WDR64: variants seen among roughly 807,000 people sequenced by gnomAD.
WDR64 encodes WD repeat domain 64.
In WDR64, 112 loss-of-function variants were observed where a neutral mutation model predicts 139.3. That is an observed-to-expected ratio of 0.80 (90% CI 0.69 to 0.94). The LOEUF is 0.94. WDR64 is among the 40% of genes least tolerant of loss of function. WDR64 has a pLI of 0.00. For synonymous variants in WDR64, 444 were observed against 437.7 expected, an observed-to-expected ratio of 1.01 and a Z score of -0.18; for missense variants, 1,206 against 1,293.1, an observed-to-expected ratio of 0.93 and a Z score of 1.03.
chr1:241,791,181 G>A (rs1425562291), intron 25 of WDR64, among the ~76,000 whole-genome samples: 1 of 152,166 alleles, frequency 6.6e-6, no homozygotes, highest in Non-Finnish European at 1.5e-5. Context: ...AGCTACTCAG[G>A]AGGCTGAGGC....
intron 8 of WDR64, among the ~76,000 whole-genome samples, chr1:241,701,976 A>T (rs1667729389): frequency 6.6e-6 from 1 of 152,232 alleles, no homozygotes; most frequent in Admixed American, 6.5e-5. Flanking sequence ...AGACAGGAAA[A>T]AAATCCTCTC....
chr1:241,664,175 G>A lies in WDR64; in HGVS notation c.276+3515G>A, dbSNP rs77876033. 6.1e-3 allele frequency among the ~76,000 whole-genome samples: 932 copies of A among 152,164 alleles called. 8 individuals are homozygous for A. Among genetic ancestry groups the A allele is most frequent in the African/African-American group, 0.021 (888 of 41,486 alleles). On this transcript the variant is annotated intron_variant, in intron 2 of 27. Coordinates refer to ENST00000437684, the MANE Select transcript of WDR64 (RefSeq NM_001367482.1). ...CTCTATCACACTTTGTAAACCCTGC[G>A]GATATTCCCCCATAGATCGGTAACT...
Position 241,652,410 on chromosome 1 carries a change from C to A in WDR64, c.-75C>A. On this transcript the variant is annotated 5_prime_UTR_variant, in exon 1 of 28. Coordinates refer to ENST00000437684, the MANE Select transcript of WDR64 (RefSeq NM_001367482.1). Reference sequence around the variant, plus strand: ...CTGAGACAGCAGGGAGGCACTGTAACAACTGGAAAGTTTTCCAAATTGGTA... The same window carrying A: ...CTGAGACAGCAGGGAGGCACTGTAAAAACTGGAAAGTTTTCCAAATTGGTA... 1.4e-6 allele frequency: 2 copies of A among 1,468,246 alleles called. No individual in the cohort carries two copies. The highest frequency in any genetic ancestry group is 1.3e-5 in the South Asian group (1 of 74,614). 91.0% of individuals were successfully genotyped at this position (1,468,246 alleles called of 1,614,324 possible). A position where few individuals can be genotyped will look rare whatever the true frequency, so the allele number is the denominator to read the frequency against.
At chr1:241,747,265 GA>G (rs957120744) in intron 13 of WDR64, among the ~76,000 whole-genome samples, 1 of 152,136 alleles carries the variant, frequency 6.6e-6, no homozygotes, top group African/African-American at 2.4e-5. Flanking sequence ...AAATTGTGAA[GA>G]ACTAAACGCA....
intron 8 of WDR64, among the ~76,000 whole-genome samples, chr1:241,701,603 G>A (rs1426170331): frequency 2.0e-5 from 3 of 152,224 alleles, no homozygotes; most frequent in African/African-American, 7.2e-5. Flanking sequence ...GGTTGGTAAT[G>A]TATTCGTCTG....
At chr1:241,701,342 T>A (rs2148146600) in intron 8 of WDR64, among the ~76,000 whole-genome samples, 1 of 152,336 alleles carries the variant, frequency 6.6e-6, no homozygotes, top group Middle Eastern at 3.4e-3. Flanking sequence ...TTTTTTGTTG[T>A]TTATATGTTT....
intron 8 of WDR64, among the ~76,000 whole-genome samples, chr1:241,705,859 G>A: frequency 6.6e-6 from 1 of 152,110 alleles, no homozygotes; most frequent in East Asian, 1.9e-4. Flanking sequence ...AAAGTGCTGA[G>A]ATTACAGGTG....
chr1:241,678,241 A>T (rs1440747178), intron 5 of WDR64, 25 bp downstream of exon 5: 1 of 398,790 alleles, frequency 2.5e-6, no homozygotes, highest in African/African-American at 2.1e-5. Flanking sequence ...AAAATTCCTA[A>T]TTAAGTCAAA....
chr1:241,743,810 T>A (rs373251085), intron 12 of WDR64, among the ~76,000 whole-genome samples: 39 of 152,156 alleles, frequency 2.6e-4, no homozygotes, highest in Admixed American at 2.3e-3. Context: ...CCATCCTAAT[T>A]ACACAGATGG....
intron 1 of WDR64, among the ~76,000 whole-genome samples, chr1:241,657,602 C>G (rs377575437): frequency 1.3e-5 from 2 of 152,116 alleles, no homozygotes. Flanking sequence ...GTGGCTGACC[C>G]TTTTTTTGCT....
At chr1:241,740,791 G>A (rs1342378559) in intron 11 of WDR64, among the ~76,000 whole-genome samples, 2 of 151,860 alleles carry the variant, frequency 1.3e-5, no homozygotes, top group Non-Finnish European at 1.5e-5. Context: ...TCAGCCTCTC[G>A]AGTAGCTGGG....
chr1:241,660,654 G>A lies in WDR64; in HGVS notation c.270G>A (p.Trp90Ter). ...ACAACACGGATGCATCTGCAGACTG[G>A]TGTGAGGTAGACTCATTTCATGTTC... ...LCNNTDASAD[W>*]CEIFGYFSSE... Residue 90 changes from tryptophan to a stop codon, truncating the protein, a stop_gained, in exon 2 of 28, where the codon TGG becomes TGA. Transcript: ENST00000437684. LOFTEE classifies it high-confidence loss of function. 6.4e-7 allele frequency: 1 copy of A among 1,551,046 alleles called. No individual in the cohort carries two copies. Among genetic ancestry groups the A allele is most frequent in the Non-Finnish European group, 8.7e-7 (1 of 1,146,620 alleles).
Position 241,723,313 on chromosome 1 carries a change from C to T in WDR64, c.1071C>T (p.Ile357=). 6.2e-7 allele frequency: 1 copy of T among 1,613,894 alleles called. No individual in the cohort carries two copies. The highest frequency in any genetic ancestry group is 8.5e-7 in the Non-Finnish European group (1 of 1,179,864). ...CCTTTTCAGGAGATGATAAGGTCAT[C>T]CGGTTGTGGCACCCCAATATCAGCA... The part of the protein sequence containing the change: ...VIVTGGDDKV[I]RLWHPNISTK... Residue 357 remains isoleucine (I), a synonymous_variant, in exon 10 of 28, where the codon ATC becomes ATT. Transcript: ENST00000437684.
Position 241,659,378 on chromosome 1 carries a change from A to G in WDR64, c.146-1152A>G, listed in dbSNP as rs568889044. 1.5e-3 allele frequency among the ~76,000 whole-genome samples: 231 copies of G among 152,306 alleles called. 2 individuals are homozygous for G. The highest frequency in any genetic ancestry group is 4.1e-3 in the African/African-American group (170 of 41,564). On this transcript the variant is annotated intron_variant, in intron 1 of 27. Transcript: ENST00000437684. ...AGTGCTGCAATGAGCATATGCATGC[A>G]TGTATCTTTATAATAGAATGATTTT... is the stretch of plus-strand genomic sequence containing the variant.
At chr1:241,738,849 A>T (rs1669426735) in intron 11 of WDR64, among the ~76,000 whole-genome samples, 1 of 152,242 alleles carries the variant, frequency 6.6e-6, no homozygotes, top group Admixed American at 6.5e-5. Context: ...GGACCTAGGA[A>T]GAAATGCCTG....
At chr1:241,756,231 T>C (rs1670185218) in intron 14 of WDR64, among the ~76,000 whole-genome samples, 1 of 152,210 alleles carries the variant, frequency 6.6e-6, no homozygotes, top group Non-Finnish European at 1.5e-5. Context: ...TCCTCTCTTA[T>C]TTCCTTGAGC....
At chr1:241,796,473 A>C in intron 27 of WDR64, 103 bp downstream of exon 27, 1 of 794,712 alleles carries the variant, frequency 1.3e-6, no homozygotes, top group East Asian at 3.0e-5. Flanking sequence ...TTCTGAACCT[A>C]AAATCATTTC....
intron 10 of WDR64, among the ~76,000 whole-genome samples, chr1:241,735,819 T>TTCTCTCTC (rs761227702): frequency 1.5e-5 from 2 of 129,182 alleles, no homozygotes; most frequent in Non-Finnish European, 3.3e-5. Context: ...GTCCTTCTCT[T>TTCTCTCTC]TCTATCTCTC....
At chr1:241,686,958 AAG>A (rs1006741473) in intron 7 of WDR64, among the ~76,000 whole-genome samples, 21 of 152,174 alleles carry the variant, frequency 1.4e-4, no homozygotes, top group Non-Finnish European at 2.5e-4. Context: ...TCAAATTTTG[AAG>A]AGTCTTTTAA....
Sources: gnomAD v4.1 joint callset for allele counts (sites outside exome capture counted in the v4.1 genomes callset) on GRCh38, gnomAD v4.1.1 for gene constraint, MANE v1.5 for transcripts, NCBI Gene and HGNC (gene_info 2026-07-23, HGNC 2026-07-21) for gene names.